The following VCPIP1 variants were observed in gnomAD, a reference collection of about 807,000 sequenced individuals.
VCPIP1 encodes deubiquitinating protein VCPIP1.
In VCPIP1, 8 loss-of-function variants were observed where a neutral mutation model predicts 85.0. The ratio of observed to expected loss-of-function variants is 0.09; its 90% CI spans 0.06 to 0.17. The LOEUF (loss-of-function observed/expected upper bound fraction) is 0.17. VCPIP1 is among the 10% of genes least tolerant of loss of function. The pLI, the probability that VCPIP1 is intolerant of heterozygous loss-of-function variation, is 1.00. For synonymous variants in VCPIP1, 543 were observed against 544.5 expected, an observed-to-expected ratio of 1.00 and a Z score of 0.04; for missense variants, 1,070 against 1,486.3, an observed-to-expected ratio of 0.72 and a Z score of 4.61.
chr8:66,662,661 C>A (rs1275368920), intron 1 of VCPIP1, among the ~76,000 whole-genome samples: 2 of 151,848 alleles, frequency 1.3e-5, no homozygotes, highest in Non-Finnish European at 1.5e-5. Context: ...GATTGAAGGT[C>A]TTTTATTTAT....
intron 2 of VCPIP1, among the ~76,000 whole-genome samples, chr8:66,639,911 G>A (rs910864411): frequency 1.3e-5 from 2 of 151,950 alleles, no homozygotes; most frequent in African/African-American, 2.4e-5. Context: ...GAGAACATAT[G>A]GACACAAAGA....
Position 66,665,640 on chromosome 8 carries a change from T to G in VCPIP1, c.1319A>C (p.Tyr440Ser). 6.2e-7 allele frequency: 1 copy of G among 1,614,176 alleles called. No homozygotes were observed. Among genetic ancestry groups the G allele is most frequent in the Non-Finnish European group, 8.5e-7 (1 of 1,180,036 alleles). The change falls in exon 1 of 3, where the codon TAC (tyrosine) becomes TCC (serine). Residue 440 changes from tyrosine (Y) to serine (S), a missense_variant. This residue lies in a region of VCPIP1 where 83 missense variants were observed against 134.6 expected (regional missense o/e 0.62). Transcript: ENST00000310421. This position sits in a 1 kb window ranked among gnomAD's most constrained non-coding sequence, Gnocchi z 4.3. ...AACTCCTATCACTCCAGTCCTTCTGTAGAAATACTGATGGACATCAGCAAC... is the reference window on the plus strand; with the variant it reads ...AACTCCTATCACTCCAGTCCTTCTGGAGAAATACTGATGGACATCAGCAAC... ...SLVADVHQYFYRRTGVIGVQP... is the reference protein window; with the variant it reads ...SLVADVHQYFSRRTGVIGVQP...
chr8:66,647,396 A>C (rs1262713212), intron 2 of VCPIP1, among the ~76,000 whole-genome samples: 1 of 151,642 alleles, frequency 6.6e-6, no homozygotes, highest in Non-Finnish European at 1.5e-5. Context: ...AAAATAATAA[A>C]ATTTATATGG....
In VCPIP1 at chr8:66,665,081, T is replaced by C; in HGVS notation, c.1878A>G (p.Ala626=). 1.9e-6 allele frequency: 3 copies of C among 1,614,048 alleles called. No homozygotes were observed. Among genetic ancestry groups the C allele is most frequent in the Non-Finnish European group, 2.5e-6 (3 of 1,179,964 alleles). The change falls in exon 1 of 3, where the codon GCA becomes GCG. Residue 626 remains alanine (A), a synonymous_variant. Transcript: ENST00000310421. The surrounding 1 kb of genome is among the most constrained non-coding windows in gnomAD (Gnocchi z 4.3). ...SSLNSNVYDV[A]MKLVTKHFPG... ...GAAAGTGCTTGGTAACAAGTTTCAT[T>C]GCAACATCGTAAACATTACTATTCA...
chr8:66,635,037 C>A lies in VCPIP1; in HGVS notation c.3133G>T (p.Ala1045Ser), dbSNP rs140247579. ...ASGNPHLDPR[A>S]RETSVVRKHN... Reference sequence around the variant, plus strand: ...TTTCTTACAACTGAAGTTTCCCTAGCTCTTGGATCAAGGTGTGGGTTACCA... The same window carrying A: ...TTTCTTACAACTGAAGTTTCCCTAGATCTTGGATCAAGGTGTGGGTTACCA... Residue 1045 changes from alanine to serine, a missense_variant, in exon 3 of 3, where the codon GCT becomes TCT. Physicochemically the swap from Ala to Ser is moderately conservative, Grantham distance 99. Transcript: ENST00000310421. The A allele has an allele frequency of 4.7e-5, 76 of 1,613,684 alleles. 1 individual carries two copies. In the African/African-American group the frequency reaches 8.0e-4, roughly 17 times the overall value.
chr8:66,660,310 T>C (rs1324258080), intron 1 of VCPIP1, among the ~76,000 whole-genome samples: 2 of 152,220 alleles, frequency 1.3e-5, no homozygotes, highest in African/African-American at 4.8e-5. Context: ...GTCTCTGTCT[T>C]GATGGACTTT....
Position 66,634,403 on chromosome 8 carries a change from C to A in VCPIP1, c.*98G>T. Reference sequence around the variant, plus strand: ...CAAGATATAATCTTTGAATTATATACGTACAAGATTTTTAATGACTAATCA... The same window carrying A: ...CAAGATATAATCTTTGAATTATATAAGTACAAGATTTTTAATGACTAATCA... On this transcript the variant is annotated 3_prime_UTR_variant, in exon 3 of 3. Coordinates refer to ENST00000310421, the MANE Select transcript of VCPIP1 (RefSeq NM_025054.5). 7.5e-7 allele frequency: 1 copy of A among 1,341,268 alleles called. No homozygotes were observed. Among genetic ancestry groups the A allele is most frequent in the Non-Finnish European group, 1.0e-6 (1 of 984,454 alleles). The allele number at this position is 1,341,268 out of a possible 1,614,324, so 83.1% of individuals were successfully genotyped here. A position where few individuals can be genotyped will look rare whatever the true frequency, so the allele number is the denominator to read the frequency against.
chr8:66,637,173 A>T (rs1282413006), intron 2 of VCPIP1, among the ~76,000 whole-genome samples: 2 of 151,782 alleles, frequency 1.3e-5, no homozygotes, highest in Non-Finnish European at 2.9e-5. Context: ...ACATGGTAAG[A>T]CCCTGGTCTC....
chr8:66,667,063 G>A lies in VCPIP1; in HGVS notation c.-105C>T. Reference sequence around the variant, plus strand: ...CGGTCCAGTCCAGGCCCAGGGCGAAGCACTTTCCTTTCCCTACCAGCTCTT... The same window carrying A: ...CGGTCCAGTCCAGGCCCAGGGCGAAACACTTTCCTTTCCCTACCAGCTCTT... On this transcript the variant is annotated 5_prime_UTR_variant, in exon 1 of 3. Coordinates refer to ENST00000310421, the MANE Select transcript of VCPIP1 (RefSeq NM_025054.5). The A allele has an allele frequency of 7.1e-7, 1 of 1,409,706 alleles. No individual in the cohort carries two copies. Among genetic ancestry groups the A allele is most frequent in the Non-Finnish European group, 9.2e-7 (1 of 1,085,312 alleles). 87.3% of individuals were successfully genotyped at this position (1,409,706 alleles called of 1,614,324 possible).
chr8:66,663,842 C>A (rs1418968622), intron 1 of VCPIP1, among the ~76,000 whole-genome samples: 1 of 152,028 alleles, frequency 6.6e-6, no homozygotes, highest in East Asian at 1.9e-4. Context: ...AACTGCAATT[C>A]ATCAAACAGG....
rs1810837374 is a variant in VCPIP1, at chr8:66,631,914, A to C, written c.*2587T>G. 1 of 152,480 alleles carries C rather than the reference A, an allele frequency of 6.6e-6. No homozygotes were observed. The allele number at this position is 152,480 out of a possible 1,614,324, so 9.4% of individuals were successfully genotyped here. On this transcript the variant is annotated 3_prime_UTR_variant, in exon 3 of 3. Coordinates refer to ENST00000310421, the MANE Select transcript of VCPIP1 (RefSeq NM_025054.5). Reference sequence around the variant, plus strand: ...CTAGATACATACTATCTTCAACACTACCTGGACTTTAGGTCATCAACTTAA... The same window carrying C: ...CTAGATACATACTATCTTCAACACTCCCTGGACTTTAGGTCATCAACTTAA...
chr8:66,663,432 T>C (rs1380706794), intron 1 of VCPIP1, among the ~76,000 whole-genome samples: 1 of 152,228 alleles, frequency 6.6e-6, no homozygotes. Flanking sequence ...CTTCATACTT[T>C]AAGACTTAGT....
chr8:66,652,571 C>T (rs1811064388), intron 1 of VCPIP1, among the ~76,000 whole-genome samples: 1 of 151,782 alleles, frequency 6.6e-6, no homozygotes, highest in African/African-American at 2.4e-5. Context: ...TGAGATCGTG[C>T]CATTGCACTC....
At position 66,634,960 on chromosome 8, in the gene VCPIP1, A is replaced by G. The variant is rs1273331824; in HGVS notation, c.3210T>C (p.Ser1070=). Residue 1070 remains serine, a synonymous_variant, in exon 3 of 3, where the codon TCT becomes TCC. Transcript: ENST00000310421. ...FSNSSTKTEP[S]VFTASSSNSE... ...TATTACTAGAAGAAGCTGTGAATAC[A>G]GAAGGCTCTGTTTTAGTGGAACTAT... The G allele has an allele frequency of 1.9e-6, 3 of 1,613,452 alleles. No homozygotes were observed. Among genetic ancestry groups the G allele is most frequent in the East Asian group, 2.2e-5 (1 of 44,886 alleles).
intron 2 of VCPIP1, among the ~76,000 whole-genome samples, chr8:66,643,397 C>T (rs1467074445): frequency 6.7e-6 from 1 of 150,280 alleles, no homozygotes; most frequent in Non-Finnish European, 1.5e-5. Flanking sequence ...GCTTTAAATG[C>T]CTACATTAAA....
chr8:66,662,452 C>A (rs1811166913), intron 1 of VCPIP1, among the ~76,000 whole-genome samples: 1 of 152,144 alleles, frequency 6.6e-6, no homozygotes, highest in African/African-American at 2.4e-5. Flanking sequence ...ACCATCCATT[C>A]CATTTCTGCA....
In VCPIP1 at chr8:66,665,775, C is replaced by T. The variant is rs1811202531; in HGVS notation, c.1184G>A (p.Gly395Asp). Residue 395 changes from glycine (G) to aspartate (D), a missense_variant, in exon 1 of 3, where the codon GGT (glycine) becomes GAT (aspartate). Gly to Asp is a moderately conservative substitution (Grantham distance 94). Around this residue, in one of 8 missense-constraint regions of VCPIP1, gnomAD observed 83 missense variants for 134.6 expected, o/e 0.62. Transcript: ENST00000310421. The surrounding 1 kb of genome is among the most constrained non-coding windows in gnomAD (Gnocchi z 4.3). ...TCTGTCACCTCCAATAACACAACCA[C>T]CATCCTCTTCAAGTTTTATGTACTT... ...IKKYIKLEEDGGCVIGGDRSL... is the reference protein window; with the variant it reads ...IKKYIKLEEDDGCVIGGDRSL... 6.2e-7 allele frequency: 1 copy of T among 1,614,056 alleles called. No individual in the cohort carries two copies. The highest frequency in any genetic ancestry group is 1.3e-5 in the African/African-American group (1 of 74,920).
chr8:66,634,045 T>C lies in VCPIP1; in HGVS notation c.*456A>G, dbSNP rs1810859308. ...TAATTGTATGAATTTTAAGATACAA[T>C]TTAGTTCAGATAAAATTCAAGTTTA... On this transcript the variant is annotated 3_prime_UTR_variant, in exon 3 of 3. Transcript: ENST00000310421. 1 of 153,310 alleles carries C rather than the reference T, an allele frequency of 6.5e-6. No homozygotes were observed. The highest frequency in any genetic ancestry group is 1.5e-5 in the Non-Finnish European group (1 of 68,600). The allele number at this position is 153,310 out of a possible 1,614,324, so 9.5% of individuals were successfully genotyped here. A position where few individuals can be genotyped will look rare whatever the true frequency, so the allele number is the denominator to read the frequency against.
rs758546784 is a variant in VCPIP1, at chr8:66,634,856, T to C, written c.3314A>G (p.Gln1105Arg). The C allele has an allele frequency of 1.7e-5, 27 of 1,614,198 alleles. No individual in the cohort carries two copies. In the South Asian group the frequency reaches 3.0e-4, roughly 18 times the overall value. Residue 1105 changes from glutamine (Q) to arginine (R), a missense_variant, in exon 3 of 3, where the codon CAG becomes CGG. Gln to Arg is a conservative substitution (Grantham distance 43, BLOSUM62 1). Around this residue, in one of 8 missense-constraint regions of VCPIP1, gnomAD observed 255 missense variants for 289.5 expected, o/e 0.88. Coordinates refer to ENST00000310421, the MANE Select transcript of VCPIP1 (RefSeq NM_025054.5). Reference protein sequence around the residue: ...RQLDPDLVEAQRKKLQEMVSS... With the variant: ...RQLDPDLVEARRKKLQEMVSS... ...AACCATTTCCTGCAATTTTTTTCGC[T>C]GGGCCTCAACCAAATCAGGATCAAG... is the stretch of plus-strand genomic sequence containing the variant.
Sources: gnomAD v4.1 joint callset for allele counts (sites outside exome capture counted in the v4.1 genomes callset) on GRCh38, gnomAD v4.1.1 for gene constraint, gnomAD v4.1.1 regional missense constraint, Gnocchi (gnomAD v3.1) non-coding constraint, MANE v1.5 for transcripts, NCBI Gene and HGNC (gene_info 2026-07-23, HGNC 2026-07-21) for gene names.